The following STARD13 variants were observed in gnomAD, a reference collection of about 807,000 sequenced individuals.
STARD13 encodes stAR-related lipid transfer protein 13.
STARD13 carries 62 observed loss-of-function variants against 106.4 expected under a neutral mutation model. The ratio of observed to expected loss-of-function variants is 0.58; its 90% confidence interval spans 0.48 to 0.72. The LOEUF (loss-of-function observed/expected upper bound fraction) is 0.72. STARD13 is among the 30% of genes least tolerant of loss of function. The pLI is 0.00. For synonymous variants in STARD13, 565 were observed against 553.0 expected, an observed-to-expected ratio of 1.02 and a Z score of -0.31; for missense variants, 1,387 against 1,424.0, an observed-to-expected ratio of 0.97 and a Z score of 0.42.
the STARD13 span, among the ~76,000 whole-genome samples, chr13:33,659,506 T>A: frequency 1.1e-3 from 167 of 152,266 alleles, no homozygotes; most frequent in Non-Finnish European, 1.9e-3. Context: ...GAGCCACTGC[T>A]CCCAGCCAAC....
chr13:33,374,548 T>C, the STARD13 span, among the ~76,000 whole-genome samples: 1 of 152,160 alleles, frequency 6.6e-6, no homozygotes, highest in South Asian at 2.1e-4. Context: ...TAATTCAAGG[T>C]AAGAGAGATA....
At chr13:33,355,422 A>G (rs567805886), upstream of STARD13, 1 of 152,284 alleles carries the variant, frequency 6.6e-6, no homozygotes, top group East Asian at 1.9e-4. Context: ...ATAGAGCCCA[A>G]TTTCTAACTG....
At chr13:33,569,227 CAG>C in the STARD13 span, among the ~76,000 whole-genome samples, 1 of 147,842 alleles carries the variant, frequency 6.8e-6, no homozygotes, top group African/African-American at 2.5e-5. Flanking sequence ...GTAATAAGGA[CAG>C]TGTAAATTTC....
chr13:33,545,149 C>A, the STARD13 span, among the ~76,000 whole-genome samples: 1 of 151,926 alleles, frequency 6.6e-6, no homozygotes, highest in African/African-American at 2.4e-5. Flanking sequence ...TAGTAGAGAT[C>A]AGTTTTCTCC....
intron 1 of STARD13, chr13:33,336,440 G>T (rs373519151): frequency 1.3e-5 from 2 of 152,114 alleles, no homozygotes; most frequent in African/African-American, 4.8e-5. Flanking sequence ...TTACAACATG[G>T]CCTAGAATTG....
intron 1 of STARD13, among the ~76,000 whole-genome samples, chr13:33,268,445 AAC>A (rs1891008996): frequency 6.6e-6 from 1 of 152,246 alleles, no homozygotes. Flanking sequence ...CCTTTAAAGT[AAC>A]ACACACTGAG....
intron 1 of STARD13, among the ~76,000 whole-genome samples, chr13:33,189,423 C>A (rs1886049498): frequency 6.8e-5 from 2 of 29,440 alleles, no homozygotes; most frequent in Non-Finnish European, 9.2e-5. Flanking sequence ...GCTTTCCCTC[C>A]TTCCTCCTTT....
At chr13:33,278,804 T>C (rs1891595047) in intron 1 of STARD13, 1 of 152,178 alleles carries the variant, frequency 6.6e-6, no homozygotes. Context: ...TATATTTCCA[T>C]GTGATATATC....
At chr13:33,643,768 C>A in the STARD13 span, among the ~76,000 whole-genome samples, 2 of 152,244 alleles carry the variant, frequency 1.3e-5, no homozygotes, top group Non-Finnish European at 1.5e-5. Context: ...ACACTGCACG[C>A]TTCTTAAACT....
chr13:33,417,737 A>AGACT, the STARD13 span, among the ~76,000 whole-genome samples: 8 of 152,218 alleles, frequency 5.3e-5, no homozygotes, highest in East Asian at 7.7e-4. Context: ...GACACAAAGT[A>AGACT]GACTCATGGT....
At chr13:33,400,696 G>C in the STARD13 span, among the ~76,000 whole-genome samples, 25 of 152,034 alleles carry the variant, frequency 1.6e-4, no homozygotes, top group East Asian at 3.9e-4. Flanking sequence ...ATCTCCTGAC[G>C]TCGTGATCCG....
At chr13:33,458,600 T>C in the STARD13 span, among the ~76,000 whole-genome samples, 1 of 152,242 alleles carries the variant, frequency 6.6e-6, no homozygotes, top group East Asian at 1.9e-4. Flanking sequence ...AACATGTAGA[T>C]TCATCAAGGC....
At chr13:33,570,188 G>T in the STARD13 span, among the ~76,000 whole-genome samples, 2 of 147,990 alleles carry the variant, frequency 1.4e-5, no homozygotes, top group African/African-American at 2.5e-5. Context: ...GGGCTTCCAT[G>T]TGCCACTGTG....
intron 1 of STARD13, chr13:33,186,149 C>T: frequency 9.2e-7 from 1 of 1,087,928 alleles, no homozygotes; most frequent in East Asian, 2.6e-5. Flanking sequence ...GATTCCAAGC[C>T]TCCACACTTC....
chr13:33,171,014 G>C (rs1057048469), intron 1 of STARD13, among the ~76,000 whole-genome samples: 1 of 152,068 alleles, frequency 6.6e-6, no homozygotes, highest in African/African-American at 2.4e-5. Flanking sequence ...AAAATGACTG[G>C]AGAACTAAAA....
intron 1 of STARD13, among the ~76,000 whole-genome samples, chr13:33,332,510 G>T (rs1220940937): frequency 1.6e-4 from 24 of 152,084 alleles, no homozygotes; most frequent in Admixed American, 1.5e-3. Flanking sequence ...GCCAGGTGGG[G>T]ATACAACCAG....
intron 1 of STARD13, among the ~76,000 whole-genome samples, chr13:33,283,883 A>C (rs1264685884): frequency 2.6e-5 from 4 of 152,236 alleles, no homozygotes; most frequent in Non-Finnish European, 4.4e-5. Flanking sequence ...TAAATAAAAT[A>C]AATTATTGTA....
At chr13:33,115,288 A>C (rs1210919161) in intron 8 of STARD13, among the ~76,000 whole-genome samples, 1 of 152,226 alleles carries the variant, frequency 6.6e-6, no homozygotes, top group African/African-American at 2.4e-5. Context: ...CCACAGTAGC[A>C]GTTTGGAAAC....
At chr13:33,521,945 A>T in the STARD13 span, among the ~76,000 whole-genome samples, 1 of 152,164 alleles carries the variant, frequency 6.6e-6, no homozygotes, top group Non-Finnish European at 1.5e-5. Flanking sequence ...GAGGCAATAG[A>T]CAATGAGTTA....
Sources: allele counts gnomAD v4.1 joint callset (sites outside exome capture counted in the v4.1 genomes callset), GRCh38; gene constraint gnomAD v4.1.1; transcripts MANE v1.5; gene names NCBI Gene and HGNC (gene_info 2026-07-23, HGNC 2026-07-21).